The following NOL4 variants were observed in gnomAD, a reference collection of about 807,000 sequenced individuals.
The protein encoded by NOL4 is nucleolar protein 4.
A neutral mutation model predicts 75.9 loss-of-function variants in NOL4; 17 were observed. The observed-to-expected ratio is 0.22, with a 90% CI of 0.15 to 0.34. NOL4 has a LOEUF of 0.34. Ranked by LOEUF, NOL4 falls within the 10% of genes least tolerant of loss-of-function variation. The probability of loss-of-function intolerance (pLI) is 1.00; values close to 1 mark genes in which losing one functional copy is unlikely to be tolerated. For missense variants in NOL4, 614 were observed against 793.5 expected (o/e 0.77, Z 2.72); for synonymous variants, 292 against 289.9 (o/e 1.01, Z -0.07).
At chr18:33,962,918 T>C (rs926308073) in intron 6 of NOL4, among the ~76,000 whole-genome samples, 3 of 152,192 alleles carry the variant, frequency 2.0e-5, no homozygotes, top group Non-Finnish European at 4.4e-5. Context: ...GAACGTGCAA[T>C]CTTGCAGATC....
intron 1 of NOL4, among the ~76,000 whole-genome samples, chr18:34,199,500 G>A (rs970519475): frequency 1.3e-5 from 2 of 151,780 alleles, no homozygotes; most frequent in African/African-American, 4.8e-5. Flanking sequence ...GCTCCTTAAG[G>A]GAAAGAATCC....
chr18:34,173,187 T>A (rs1015965135), intron 1 of NOL4, among the ~76,000 whole-genome samples: 1 of 152,082 alleles, frequency 6.6e-6, no homozygotes, highest in Non-Finnish European at 1.5e-5. Flanking sequence ...ATATATGGAA[T>A]GTTTTAAAGA....
intron 6 of NOL4, among the ~76,000 whole-genome samples, chr18:33,999,000 A>C (rs1459757555): frequency 6.6e-6 from 1 of 152,158 alleles, no homozygotes; most frequent in Non-Finnish European, 1.5e-5. Context: ...ACAGTCCTTC[A>C]GAAAACTTAA....
At chr18:34,066,123 G>A (rs997948874) in intron 5 of NOL4, among the ~76,000 whole-genome samples, 5 of 151,858 alleles carry the variant, frequency 3.3e-5, no homozygotes, top group Non-Finnish European at 7.4e-5. Flanking sequence ...TTTGTTTTGG[G>A]AATTTATATG....
At chr18:34,049,338 G>C (rs1205509066) in intron 5 of NOL4, among the ~76,000 whole-genome samples, 4 of 151,834 alleles carry the variant, frequency 2.6e-5, no homozygotes, top group Non-Finnish European at 5.9e-5. Flanking sequence ...CACATTGTAG[G>C]AGGGCAGATT....
At chr18:33,971,201 A>G (rs1436751081) in intron 6 of NOL4, among the ~76,000 whole-genome samples, 1 of 152,198 alleles carries the variant, frequency 6.6e-6, no homozygotes, top group Non-Finnish European at 1.5e-5. Flanking sequence ...GAATAATAGC[A>G]CATGTTCATA....
chr18:34,151,098 C>T (rs745674005), intron 1 of NOL4, among the ~76,000 whole-genome samples: 1 of 151,838 alleles, frequency 6.6e-6, no homozygotes, highest in Middle Eastern at 3.4e-3. Context: ...GCAAAAAGAA[C>T]GTTAATTGTG....
intron 9 of NOL4, among the ~76,000 whole-genome samples, chr18:33,913,515 AC>A (rs1367181050): frequency 2.0e-5 from 3 of 152,128 alleles, no homozygotes; most frequent in African/African-American, 7.2e-5. Flanking sequence ...ACAATGGTCC[AC>A]CTTTTTAATA....
At chr18:34,017,416 T>C (rs980638707) in intron 6 of NOL4, among the ~76,000 whole-genome samples, 1 of 152,104 alleles carries the variant, frequency 6.6e-6, no homozygotes, top group Non-Finnish European at 1.5e-5. Context: ...CATAGTGAAA[T>C]GATTACTCCA....
chr18:33,874,223 G>A (rs1171611879), intron 10 of NOL4, among the ~76,000 whole-genome samples: 1 of 151,856 alleles, frequency 6.6e-6, no homozygotes, highest in Non-Finnish European at 1.5e-5. Context: ...GATGTTGAGA[G>A]AATCCAAGCA....
At chr18:34,003,999 T>C (rs572156938) in intron 6 of NOL4, among the ~76,000 whole-genome samples, 2 of 152,150 alleles carry the variant, frequency 1.3e-5, no homozygotes, top group South Asian at 2.1e-4. Context: ...TATAATCTAG[T>C]CTCTTTGAAG....
intron 10 of NOL4, among the ~76,000 whole-genome samples, chr18:33,882,658 G>T (rs1313014261): frequency 6.6e-6 from 1 of 150,886 alleles, no homozygotes; most frequent in Non-Finnish European, 1.5e-5. Context: ...CGATTCCTCA[G>T]GGATCTAGAA....
intron 9 of NOL4, among the ~76,000 whole-genome samples, chr18:33,924,780 C>T (rs1419963937): frequency 1.3e-5 from 2 of 151,990 alleles, no homozygotes; most frequent in African/African-American, 4.8e-5. Flanking sequence ...ATAGTTGTTG[C>T]TACATAGAGA....
At chr18:34,121,331 CA>C (rs1245239397) in intron 2 of NOL4, 1 of 152,082 alleles carries the variant, frequency 6.6e-6, no homozygotes, top group African/African-American at 2.4e-5. Flanking sequence ...GGGAGAACCA[CA>C]AAGAATGCCA....
At chr18:34,064,773 G>A (rs918383513) in intron 5 of NOL4, among the ~76,000 whole-genome samples, 8 of 151,794 alleles carry the variant, frequency 5.3e-5, no homozygotes, top group Non-Finnish European at 1.2e-4. Flanking sequence ...TGTATGATTA[G>A]TATCCCCAAA....
intron 1 of NOL4, chr18:34,157,044 T>C (rs998457307): frequency 6.6e-6 from 1 of 152,196 alleles, no homozygotes; most frequent in Non-Finnish European, 1.5e-5. Flanking sequence ...ACATGTTTTT[T>C]TTCTCCAGCA....
chr18:34,175,483 C>G (rs541622825), intron 1 of NOL4, among the ~76,000 whole-genome samples: 8 of 152,238 alleles, frequency 5.3e-5, no homozygotes, highest in Admixed American at 1.3e-4. Flanking sequence ...AGCATATTCC[C>G]TAGGAATCCA....
chr18:34,146,770 C>G (rs1250451646), intron 1 of NOL4, among the ~76,000 whole-genome samples: 1 of 151,736 alleles, frequency 6.6e-6, no homozygotes, highest in African/African-American at 2.4e-5. Context: ...TCATTGGTAG[C>G]TTGACGGGGA....
chr18:34,086,485 G>C (rs1458975161), intron 5 of NOL4, among the ~76,000 whole-genome samples: 1 of 152,044 alleles, frequency 6.6e-6, no homozygotes, highest in African/African-American at 2.4e-5. Flanking sequence ...TCACAAAAAA[G>C]TTAACCACTG....
Sources: allele counts gnomAD v4.1 joint callset (sites outside exome capture counted in the v4.1 genomes callset), GRCh38; gene constraint gnomAD v4.1.1; transcripts MANE v1.5; gene names NCBI Gene and HGNC (gene_info 2026-07-23, HGNC 2026-07-21).